PARD3: variants seen among roughly 807,000 people sequenced by gnomAD.
The protein encoded by PARD3 is partitioning defective 3 homolog.
PARD3 carries 75 observed loss-of-function variants against 155.4 expected under a neutral mutation model. The ratio of observed to expected loss-of-function variants is 0.48; its 90% CI spans 0.40 to 0.58. The LOEUF (loss-of-function observed/expected upper bound fraction) is 0.58. Ranked by LOEUF, PARD3 falls within the 20% of genes least tolerant of loss-of-function variation. The pLI is 0.00. For missense variants in PARD3, 1,642 were observed against 1,721.7 expected, an observed-to-expected ratio of 0.95 and a Z score of 0.82; for synonymous variants, 576 against 610.5, an observed-to-expected ratio of 0.94 and a Z score of 0.83.
At chr10:34,807,105 G>C (rs1193817574) in intron 1 of PARD3, among the ~76,000 whole-genome samples, 2 of 152,226 alleles carry the variant, frequency 1.3e-5, no homozygotes, top group South Asian at 2.1e-4. Flanking sequence ...AGCCCTTAGA[G>C]GGGGTAGGGG....
intron 22 of PARD3, among the ~76,000 whole-genome samples, chr10:34,254,504 T>G (rs947995630): frequency 7.2e-5 from 11 of 151,814 alleles, no homozygotes; most frequent in African/African-American, 2.7e-4. Context: ...AAAATAGTGA[T>G]GAAAGGTGAG....
intron 20 of PARD3, chr10:34,312,203 A>G (rs1957736228): frequency 7.0e-7 from 1 of 1,426,760 alleles, no homozygotes; most frequent in Non-Finnish European, 9.4e-7. Context: ...TAATAAGGAA[A>G]TTACTAAACC....
chr10:34,233,431 T>C (rs1326653030), intron 22 of PARD3, among the ~76,000 whole-genome samples: 1 of 152,032 alleles, frequency 6.6e-6, no homozygotes, highest in Non-Finnish European at 1.5e-5. Flanking sequence ...CCCTCGATGA[T>C]ATCGTCCATT....
chr10:34,533,905 CA>C (rs1386243929), intron 2 of PARD3, among the ~76,000 whole-genome samples: 7 of 152,078 alleles, frequency 4.6e-5, no homozygotes, highest in Middle Eastern at 3.2e-3. Flanking sequence ...CTAGAAATGG[CA>C]AAACAGTCCT....
intron 3 of PARD3, among the ~76,000 whole-genome samples, chr10:34,512,858 T>C (rs918183936): frequency 1.3e-5 from 2 of 152,288 alleles, no homozygotes; most frequent in African/African-American, 4.8e-5. Context: ...TATTATAATT[T>C]CCCATCTCTT....
intron 22 of PARD3, among the ~76,000 whole-genome samples, chr10:34,134,256 C>T (rs1463573636): frequency 1.3e-5 from 2 of 152,140 alleles, no homozygotes; most frequent in African/African-American, 2.4e-5. Flanking sequence ...TGGGCATTCC[C>T]GAATCTCACT....
intron 2 of PARD3, among the ~76,000 whole-genome samples, chr10:34,525,998 C>T (rs1172687923): frequency 6.8e-6 from 1 of 146,266 alleles, no homozygotes; most frequent in Non-Finnish European, 1.5e-5. Flanking sequence ...AGGGGAATCG[C>T]TTGAACGTGG....
intron 23 of PARD3, among the ~76,000 whole-genome samples, chr10:34,128,943 G>A (rs926295547): frequency 6.6e-6 from 1 of 152,140 alleles, no homozygotes; most frequent in African/African-American, 2.4e-5. Flanking sequence ...CAGGGACCAA[G>A]AATATGTATT....
At chr10:34,386,189 T>C (rs1308056083) in intron 7 of PARD3, among the ~76,000 whole-genome samples, 1 of 152,194 alleles carries the variant, frequency 6.6e-6, no homozygotes. Context: ...ATTGTAATTT[T>C]AGCGTTGAGA....
chr10:34,602,990 T>C (rs1244261342), intron 2 of PARD3, among the ~76,000 whole-genome samples: 6 of 152,192 alleles, frequency 3.9e-5, no homozygotes, highest in Non-Finnish European at 7.3e-5. Context: ...AGTTGACACA[T>C]AATAGTGCTG....
intron 1 of PARD3, among the ~76,000 whole-genome samples, chr10:34,798,970 C>A (rs1409954908): frequency 6.6e-6 from 1 of 152,178 alleles, no homozygotes; most frequent in African/African-American, 2.4e-5. Flanking sequence ...AATCTCCAAA[C>A]GTGACCCAGA....
At chr10:34,349,492 T>C (rs755111445) in intron 14 of PARD3, among the ~76,000 whole-genome samples, 12 of 142,162 alleles carry the variant, frequency 8.4e-5, no homozygotes, top group Non-Finnish European at 1.5e-4. Context: ...GAAAAGTAAA[T>C]TAAATATTCA....
chr10:34,148,922 GAAGT>G (rs1471346096), intron 22 of PARD3, among the ~76,000 whole-genome samples: 1 of 152,052 alleles, frequency 6.6e-6, no homozygotes, highest in African/African-American at 2.4e-5. Flanking sequence ...AGAACTGTAG[GAAGT>G]ATTTACGAAG....
intron 1 of PARD3, among the ~76,000 whole-genome samples, chr10:34,755,363 G>C (rs1441767400): frequency 6.6e-6 from 1 of 151,968 alleles, no homozygotes; most frequent in South Asian, 2.1e-4. Context: ...AGTGAGCTGA[G>C]ATTGCACTGC....
At chr10:34,641,714 C>T (rs952098367) in intron 2 of PARD3, among the ~76,000 whole-genome samples, 3 of 152,188 alleles carry the variant, frequency 2.0e-5, no homozygotes, top group Non-Finnish European at 4.4e-5. Flanking sequence ...TGCCGCAGTT[C>T]ATCAGTCCTG....
chr10:34,316,241 T>C (rs577648134), intron 20 of PARD3, among the ~76,000 whole-genome samples: 1 of 152,342 alleles, frequency 6.6e-6, no homozygotes, highest in South Asian at 2.1e-4. Context: ...GGGGTTTAAT[T>C]TATGGAACAA....
intron 15 of PARD3, chr10:34,345,847 C>A (rs571612339): frequency 1.0e-6 from 1 of 984,934 alleles, no homozygotes; most frequent in South Asian, 4.7e-5. Flanking sequence ...TTCTTACGGC[C>A]AAAGATACTA....
intron 1 of PARD3, among the ~76,000 whole-genome samples, chr10:34,809,130 T>C (rs1843753612): frequency 6.6e-6 from 1 of 152,372 alleles, no homozygotes; most frequent in East Asian, 1.9e-4. Context: ...CATTACAAGC[T>C]GTTTGTGCCA....
intron 1 of PARD3, among the ~76,000 whole-genome samples, chr10:34,728,850 T>C (rs1044413158): frequency 5.3e-5 from 8 of 152,230 alleles, no homozygotes; most frequent in African/African-American, 1.9e-4. Flanking sequence ...GTTAATCTCA[T>C]GCAGCCATGT....
Sources: gnomAD v4.1 joint callset for allele counts (sites outside exome capture counted in the v4.1 genomes callset) on GRCh38, gnomAD v4.1.1 for gene constraint, MANE v1.5 for transcripts, NCBI Gene and HGNC (gene_info 2026-07-23, HGNC 2026-07-21) for gene names.